Variants in AGMO observed in about 807,000 individuals in gnomAD.
The protein encoded by AGMO is glyceryl-ether monooxygenase.
In AGMO, 75 loss-of-function variants were observed where a neutral mutation model predicts 60.2. That is an observed-to-expected ratio of 1.25 (90% CI 1.03 to 1.51). The LOEUF (loss-of-function observed/expected upper bound fraction) is 1.51. AGMO is among the 40% of genes most tolerant of loss of function. The pLI, the probability that AGMO is intolerant of heterozygous loss-of-function variation, is 0.00. For synonymous variants in AGMO, 261 were observed against 177.1 expected, an observed-to-expected ratio of 1.47 and a Z score of -3.76; for missense variants, 763 against 525.5, an observed-to-expected ratio of 1.45 and a Z score of -4.42.
intron 12 of AGMO, among the ~76,000 whole-genome samples, chr7:15,326,881 CT>C (rs1781353393): frequency 6.6e-6 from 1 of 152,142 alleles, no homozygotes; most frequent in African/African-American, 2.4e-5. Flanking sequence ...CAGAAATTAT[CT>C]TGGAAAAGAT....
intron 10 of AGMO, among the ~76,000 whole-genome samples, chr7:15,375,102 C>T (rs189521299): frequency 2.0e-5 from 3 of 152,112 alleles, no homozygotes. Context: ...AGACTGAAAA[C>T]CTCTAGAAAA....
chr7:15,483,633 T>C (rs1433387510), intron 3 of AGMO, among the ~76,000 whole-genome samples: 1 of 151,958 alleles, frequency 6.6e-6, no homozygotes, highest in Admixed American at 6.6e-5. Context: ...TAAAACTAGC[T>C]CACATGGAAA....
At chr7:15,459,110 G>GT (rs1296204052) in intron 3 of AGMO, among the ~76,000 whole-genome samples, 26 of 151,740 alleles carry the variant, frequency 1.7e-4, no homozygotes, top group African/African-American at 5.1e-4. Flanking sequence ...TTAAGAAGTG[G>GT]GTTTTTTTTC....
chr7:15,249,259 G>A (rs573866249), intron 12 of AGMO, among the ~76,000 whole-genome samples: 2 of 152,252 alleles, frequency 1.3e-5, no homozygotes, highest in East Asian at 3.9e-4. Context: ...TGATGTATGG[G>A]TGGAATTCAA....
chr7:15,196,157 C>G (rs144595555), downstream of AGMO, among the ~76,000 whole-genome samples: 130 of 151,970 alleles, frequency 8.6e-4, 1 homozygote, highest in Non-Finnish European at 1.6e-3. Context: ...ATTCTTCTGT[C>G]TCAGCCTCCA....
Position 15,390,763 on chromosome 7 carries a change from TATA to T in AGMO, c.743-16_743-14del. The T allele has an allele frequency of 6.2e-7, 1 of 1,602,766 alleles. No individual in the cohort carries two copies. Reference sequence around the variant, plus strand: ...GCTTCAAATGTCCCTGGAAGATAAATATAAAGATATGAGATTTGGCTTCCTGTA... The same window carrying T: ...GCTTCAAATGTCCCTGGAAGATAAATAAGATATGAGATTTGGCTTCCTGTA... On this transcript the variant is annotated splice_polypyrimidine_tract_variant and intron_variant, in intron 7 of 12. Coordinates refer to ENST00000342526, the MANE Select transcript of AGMO (RefSeq NM_001004320.2).
At chr7:15,209,575 G>A (rs1468006015) in intron 12 of AGMO, among the ~76,000 whole-genome samples, 1 of 152,156 alleles carries the variant, frequency 6.6e-6, no homozygotes, top group Non-Finnish European at 1.5e-5. Flanking sequence ...GCTAATAGAA[G>A]GCCAGCAGCC....
At chr7:15,464,411 G>A (rs955764929) in intron 3 of AGMO, among the ~76,000 whole-genome samples, 1 of 152,170 alleles carries the variant, frequency 6.6e-6, no homozygotes, top group Non-Finnish European at 1.5e-5. Context: ...CCAGCATGCT[G>A]CATGTGACAT....
intron 6 of AGMO, among the ~76,000 whole-genome samples, chr7:15,393,620 G>C (rs933635070): frequency 6.6e-6 from 1 of 152,146 alleles, no homozygotes; most frequent in Non-Finnish European, 1.5e-5. Flanking sequence ...CTTGTCACTT[G>C]GGATTTTCTC....
chr7:15,374,642 C>G (rs1326188874), intron 10 of AGMO, among the ~76,000 whole-genome samples: 2 of 151,908 alleles, frequency 1.3e-5, no homozygotes, highest in African/African-American at 4.8e-5. Context: ...TCACAGGGCA[C>G]AAGGCAAAAA....
At chr7:15,437,903 G>C (rs76454839) in intron 3 of AGMO, among the ~76,000 whole-genome samples, 2 of 151,994 alleles carry the variant, frequency 1.3e-5, no homozygotes, top group East Asian at 3.9e-4. Context: ...GTCTTTAGGA[G>C]TCACTTTAGG....
chr7:15,174,686 G>A, the AGMO span, among the ~76,000 whole-genome samples: 2 of 152,158 alleles, frequency 1.3e-5, no homozygotes, highest in East Asian at 1.9e-4. Context: ...GTTAAAGATA[G>A]AATGGAGTAG....
chr7:15,157,408 C>T, the AGMO span, among the ~76,000 whole-genome samples: 2 of 152,142 alleles, frequency 1.3e-5, no homozygotes, highest in African/African-American at 4.8e-5. Flanking sequence ...TATCTAACAT[C>T]TGAGGGGAAG....
chr7:15,413,113 T>C (rs1780662270), intron 5 of AGMO, among the ~76,000 whole-genome samples: 1 of 152,172 alleles, frequency 6.6e-6, no homozygotes, highest in Non-Finnish European at 1.5e-5. Flanking sequence ...ATAGTCACAG[T>C]AAGTGAAAGA....
At chr7:15,513,274 G>C (rs1473177598) in intron 3 of AGMO, among the ~76,000 whole-genome samples, 1 of 123,494 alleles carries the variant, frequency 8.1e-6, no homozygotes, top group Non-Finnish European at 1.7e-5. Context: ...GTTTTTATCA[G>C]ATACCTATAG....
At chr7:15,395,327 G>C (rs1418115941) in intron 5 of AGMO, among the ~76,000 whole-genome samples, 3 of 151,560 alleles carry the variant, frequency 2.0e-5, no homozygotes, top group African/African-American at 4.8e-5. Context: ...GGAAGAAATA[G>C]AGATAAGACT....
chr7:15,125,130 C>A, the AGMO span, among the ~76,000 whole-genome samples: 1 of 152,084 alleles, frequency 6.6e-6, no homozygotes, highest in Non-Finnish European at 1.5e-5. Context: ...AACCAAGATA[C>A]CTGTATGTGC....
chr7:15,344,185 C>A (rs1490377491), intron 12 of AGMO, among the ~76,000 whole-genome samples: 1 of 152,034 alleles, frequency 6.6e-6, no homozygotes, highest in Non-Finnish European at 1.5e-5. Context: ...ATGTATGGCA[C>A]ATAGAAGGCA....
At chr7:15,243,961 A>G (rs1044748009) in intron 12 of AGMO, among the ~76,000 whole-genome samples, 3 of 152,190 alleles carry the variant, frequency 2.0e-5, no homozygotes, top group Middle Eastern at 3.4e-3. Flanking sequence ...CTGTATTTCC[A>G]TACTTTAGGT....
Sources: gnomAD v4.1 joint callset for allele counts (sites outside exome capture counted in the v4.1 genomes callset) on GRCh38, gnomAD v4.1.1 for gene constraint, MANE v1.5 for transcripts, NCBI Gene and HGNC (gene_info 2026-07-23, HGNC 2026-07-21) for gene names.